Variants in FAT4 observed in about 807,000 individuals in gnomAD.
FAT4 encodes the protein FAT atypical cadherin 4, also known as protocadherin Fat 4.
Under a neutral mutation model 303.9 loss-of-function variants are expected in FAT4, and 84 were observed. That is an observed-to-expected ratio of 0.28 (90% CI 0.23 to 0.33). FAT4 has a LOEUF of 0.33. Ranked by LOEUF, FAT4 falls within the 10% of genes least tolerant of loss-of-function variation. The pLI, the probability that FAT4 is intolerant of heterozygous loss-of-function variation, is 1.00. For missense variants in FAT4, 6,005 were observed against 6,146.8 expected (o/e 0.98, Z 0.77); for synonymous variants, 2,307 against 2,298.8 (o/e 1.00, Z -0.10).
chr4:125,405,925 A>G (rs1379914572), intron 3 of FAT4, among the ~76,000 whole-genome samples: 3 of 152,152 alleles, frequency 2.0e-5, no homozygotes, highest in African/African-American at 7.2e-5. Context: ...TATTTTGAAA[A>G]TTAACTTTCT....
intron 7 of FAT4, 31 bp downstream of exon 7, chr4:125,416,653 G>T (rs199720560): frequency 2.5e-6 from 4 of 1,607,036 alleles, no homozygotes; most frequent in Non-Finnish European, 3.4e-6. Context: ...TTCATTTGTA[G>T]ATAATTTCTA....
chr4:125,401,034 A>T (rs1464414615), intron 3 of FAT4, among the ~76,000 whole-genome samples: 1 of 151,968 alleles, frequency 6.6e-6, no homozygotes, highest in East Asian at 1.9e-4. Flanking sequence ...GGCAGAGAGG[A>T]TGGAAGGGAG....
At chr4:125,471,926 A>AAAAAAAAAAAAAAAAC (rs1726875827) in intron 12 of FAT4, among the ~76,000 whole-genome samples, 1 of 137,334 alleles carries the variant, frequency 7.3e-6, no homozygotes, top group Non-Finnish European at 1.6e-5. Flanking sequence ...AAAAAAAAAA[A>AAAAAAAAAAAAAAAAC]ATTAGCCCGG....
Position 125,446,633 on chromosome 4 carries a change from A to G in FAT4, c.7450+90A>G, listed in dbSNP as rs1048202840. Reference sequence around the variant, plus strand: ...AATATTTATGATATTTTACATACATATTTCTGATATAGCCTAATTTTGCAA... The same window carrying G: ...AATATTTATGATATTTTACATACATGTTTCTGATATAGCCTAATTTTGCAA... On this transcript the variant is annotated intron_variant, in intron 9 of 17. Transcript: ENST00000394329. 3.1e-6 allele frequency: 4 copies of G among 1,274,340 alleles called. No individual in the cohort carries two copies. The Admixed American group carries it at 7.6e-5, about 24-fold the overall frequency. 78.9% of individuals were successfully genotyped at this position (1,274,340 alleles called of 1,614,324 possible).
chr4:125,339,802 C>T (rs1276667253), intron 2 of FAT4, among the ~76,000 whole-genome samples: 3 of 152,102 alleles, frequency 2.0e-5, no homozygotes, highest in Non-Finnish European at 4.4e-5. Context: ...AGCAATAGCA[C>T]ATCCTGACCT....
At position 125,341,958 on chromosome 4, in the gene FAT4, T is replaced by G. The variant is rs1181539453; in HGVS notation, c.5175+20372T>G. ...CTAAAAGTCCTTGCATTTCTTCATTTTATAAAATGTATACACACAGTTAAG... is the reference window on the plus strand; with the variant it reads ...CTAAAAGTCCTTGCATTTCTTCATTGTATAAAATGTATACACACAGTTAAG... On this transcript the variant is annotated intron_variant, in intron 2 of 17. Transcript: ENST00000394329. Among the ~76,000 whole-genome samples, 4 of 152,034 alleles carry G rather than the reference T, an allele frequency of 2.6e-5. No homozygotes were observed. The South Asian group carries it at 6.2e-4, about 24-fold the overall frequency.
Position 125,452,574 on chromosome 4 carries a change from GA to G in FAT4, c.11565del (p.Tyr3856MetfsTer8), listed in dbSNP as rs764599049. Reference protein sequence around the residue: ...LQPFLCKCLPGYAGSWCEIDI... With the variant: ...LQPFLCKCLPXYAGSWCEIDI... ...CCTTTCTTATGCAAGTGTCTGCCAG[GA>G]TATGCGGGTAGCTGGTGTGAAATAG... On this transcript the variant is annotated frameshift_variant, in exon 10 of 18. Coordinates refer to ENST00000394329, the MANE Select transcript of FAT4 (RefSeq NM_001291303.3). LOFTEE classifies it high-confidence loss of function. 1 of 1,614,188 alleles carries G rather than the reference GA, an allele frequency of 6.2e-7. No individual in the cohort carries two copies. The highest frequency in any genetic ancestry group is 8.5e-7 in the Non-Finnish European group (1 of 1,180,040).
chr4:125,329,449 TA>T (rs978812481), intron 2 of FAT4, among the ~76,000 whole-genome samples: 2 of 152,226 alleles, frequency 1.3e-5, no homozygotes, highest in Non-Finnish European at 2.9e-5. Flanking sequence ...TACCCTTTTT[TA>T]TTTCTTGGAC....
At chr4:125,457,182 A>T (rs1726313422) in intron 10 of FAT4, among the ~76,000 whole-genome samples, 1 of 151,832 alleles carries the variant, frequency 6.6e-6, no homozygotes, top group Admixed American at 6.6e-5. Context: ...GTGGATTTAG[A>T]AATTGTGTTA....
In FAT4 at chr4:125,415,684, G is replaced by T. The variant is rs897970448; in HGVS notation, c.6721G>T (p.Asp2241Tyr). Residue 2241 changes from aspartate to tyrosine, a missense_variant, in exon 6 of 18, where the codon GAT (aspartate) becomes TAT (tyrosine). Coordinates refer to ENST00000394329, the MANE Select transcript of FAT4 (RefSeq NM_001291303.3). ...ATDRGSTPRTDTSTVSIVLLD... is the reference protein window; with the variant it reads ...ATDRGSTPRTYTSTVSIVLLD... ...AGATCGAGGCAGCACACCCAGAACT[G>T]ATACCTCCACGGTCAGCATTGTTCT... The T allele has an allele frequency of 6.2e-7, 1 of 1,613,870 alleles. No homozygotes were observed. The highest frequency in any genetic ancestry group is 1.3e-5 in the African/African-American group (1 of 74,914).
chr4:125,346,140 T>C (rs1578544177), intron 2 of FAT4, among the ~76,000 whole-genome samples: 1 of 152,098 alleles, frequency 6.6e-6, no homozygotes, highest in East Asian at 1.9e-4. Flanking sequence ...ACTTTTCTGA[T>C]GTTTCTATGG....
At chr4:125,443,882 G>C (rs996411381) in intron 8 of FAT4, among the ~76,000 whole-genome samples, 2 of 152,088 alleles carry the variant, frequency 1.3e-5, no homozygotes, top group African/African-American at 4.8e-5. Context: ...GTCGATCTAC[G>C]TACAGAGCTT....
At chr4:125,434,497 A>G (rs1038752908) in intron 8 of FAT4, 72 bp downstream of exon 8, 1 of 1,342,738 alleles carries the variant, frequency 7.4e-7, no homozygotes, top group Non-Finnish European at 1.1e-6. Flanking sequence ...ACATGAATAT[A>G]ATGTTTAATT....
At chr4:125,358,556 G>T (rs560894760) in intron 2 of FAT4, among the ~76,000 whole-genome samples, 2 of 152,042 alleles carry the variant, frequency 1.3e-5, no homozygotes, top group Non-Finnish European at 2.9e-5. Context: ...TCACAATAGG[G>T]TTTGTGCTCC....
intron 2 of FAT4, among the ~76,000 whole-genome samples, chr4:125,393,653 A>G (rs1028200732): frequency 1.4e-4 from 22 of 152,194 alleles, no homozygotes; most frequent in Admixed American, 5.9e-4. Context: ...AATATTTTTT[A>G]GTTTTAAAAT....
chr4:125,387,841 A>G (rs540473935), intron 2 of FAT4, among the ~76,000 whole-genome samples: 4 of 152,348 alleles, frequency 2.6e-5, no homozygotes, highest in Non-Finnish European at 5.9e-5. Context: ...TAAAATAACC[A>G]GTTAATGAAT....
rs1159642111 is a variant in FAT4 at position 125,318,634 on chromosome 4, G to A, written c.2223G>A (p.Gln741=). Residue 741 remains glutamine (Q), a synonymous_variant, in exon 2 of 18, where the codon CAG becomes CAA. Coordinates refer to ENST00000394329, the MANE Select transcript of FAT4 (RefSeq NM_001291303.3). The part of the protein sequence containing the change: ...GDRSRFQVNA[Q]SGVISTRMAL... The stretch of plus-strand genomic sequence containing the variant: ...GGTCTCGGTTTCAGGTCAATGCTCA[G>A]AGTGGGGTTATTTCTACAAGAATGG... 1 of 1,614,154 alleles carries A rather than the reference G, an allele frequency of 6.2e-7. No homozygotes were observed. Among genetic ancestry groups the A allele is most frequent in the Admixed American group, 1.7e-5 (1 of 60,024 alleles).
At chr4:125,412,689 G>A (rs1380323376) in intron 5 of FAT4, among the ~76,000 whole-genome samples, 1 of 151,824 alleles carries the variant, frequency 6.6e-6, no homozygotes. Context: ...GATGGACTAA[G>A]GATGATCAGA....
rs764678661 is a variant in FAT4 at position 125,317,377 on chromosome 4, G to A, written c.966G>A (p.Thr322=). Residue 322 remains threonine, a synonymous_variant, in exon 2 of 18, where the codon ACG becomes ACA. Coordinates refer to ENST00000394329, the MANE Select transcript of FAT4 (RefSeq NM_001291303.3). This position sits in a 1 kb window ranked among gnomAD's most constrained non-coding sequence, Gnocchi z 7.0. ...AAGCTCGGCGCCAATACTCGCTTAC[G>A]GTGCAGGCGATGGACAGAGGCGTGC... ...DFEARRQYSL[T]VQAMDRGVPS... is the part of the protein sequence containing the mutation. The A allele has an allele frequency of 1.2e-6, 2 of 1,613,480 alleles. No homozygotes were observed. Among genetic ancestry groups the A allele is most frequent in the Admixed American group, 1.7e-5 (1 of 60,030 alleles).
Sources: gnomAD v4.1 joint callset for allele counts (sites outside exome capture counted in the v4.1 genomes callset) on GRCh38, gnomAD v4.1.1 for gene constraint, Gnocchi (gnomAD v3.1) non-coding constraint, MANE v1.5 for transcripts, NCBI Gene and HGNC (gene_info 2026-07-23, HGNC 2026-07-21) for gene names.